Variants in CSTPP1 observed in about 807,000 individuals in gnomAD.
The protein encoded by CSTPP1 is UPF0705 protein C11orf49.
the CSTPP1 span, among the ~76,000 whole-genome samples, chr11:47,021,378 A>T: frequency 1.3e-5 from 2 of 152,116 alleles, no homozygotes; most frequent in African/African-American, 4.8e-5. Flanking sequence ...GCCTTACTGA[A>T]TGCTGAATTT....
the CSTPP1 span, among the ~76,000 whole-genome samples, chr11:46,955,716 G>C: frequency 6.6e-6 from 1 of 152,000 alleles, no homozygotes; most frequent in Non-Finnish European, 1.5e-5. Flanking sequence ...GGTCGGCCTA[G>C]CGTGGTGGCT....
At chr11:47,161,884 C>A in the CSTPP1 span, 6 of 1,304,704 alleles carry the variant, frequency 4.6e-6, no homozygotes, top group Non-Finnish European at 5.9e-6. Context: ...AGCTGACAGA[C>A]TGTGCTGAGG....
At chr11:47,075,657 G>A in the CSTPP1 span, among the ~76,000 whole-genome samples, 3 of 151,974 alleles carry the variant, frequency 2.0e-5, no homozygotes, top group African/African-American at 7.2e-5. Flanking sequence ...GTGGCCTCAC[G>A]CCTGTAATTC....
chr11:47,090,513 T>A, the CSTPP1 span, among the ~76,000 whole-genome samples: 1 of 152,130 alleles, frequency 6.6e-6, no homozygotes, highest in South Asian at 2.1e-4. Flanking sequence ...CATATTAACA[T>A]ATATAGAATG....
the CSTPP1 span, among the ~76,000 whole-genome samples, chr11:46,974,341 A>G: frequency 1.3e-5 from 2 of 151,946 alleles, no homozygotes; most frequent in Non-Finnish European, 2.9e-5. Flanking sequence ...CAGCCTGTCC[A>G]AGATGGTGCA....
At chr11:47,137,705 T>A in the CSTPP1 span, 2 of 1,614,198 alleles carry the variant, frequency 1.2e-6, no homozygotes, top group Non-Finnish European at 8.5e-7. Flanking sequence ...GATTTCCCGC[T>A]GGAGCTCACT....
the CSTPP1 span, among the ~76,000 whole-genome samples, chr11:47,148,028 G>C: frequency 1.3e-5 from 2 of 152,166 alleles, no homozygotes; most frequent in South Asian, 4.1e-4. Flanking sequence ...GCAGAGCAAT[G>C]ACCTGGACAC....
At chr11:47,164,189 GGA>G in the CSTPP1 span, 202 of 1,613,902 alleles carry the variant, frequency 1.3e-4, no homozygotes, top group Non-Finnish European at 1.5e-4. Flanking sequence ...AGGAGGCCCT[GGA>G]GAGAGTGTCC....
chr11:47,046,129 G>T, the CSTPP1 span, among the ~76,000 whole-genome samples: 552 of 152,108 alleles, frequency 3.6e-3, 3 homozygotes, highest in African/African-American at 0.013. Flanking sequence ...TGTCCTGTAG[G>T]TATGGGGGTG....
chr11:46,975,805 T>C, the CSTPP1 span, among the ~76,000 whole-genome samples: 2 of 152,216 alleles, frequency 1.3e-5, no homozygotes, highest in Non-Finnish European at 1.5e-5. Context: ...CTTCTTAAGT[T>C]TTTATAATTC....
chr11:47,010,606 T>G, the CSTPP1 span, among the ~76,000 whole-genome samples: 1 of 152,222 alleles, frequency 6.6e-6, no homozygotes, highest in Non-Finnish European at 1.5e-5. Flanking sequence ...CTTTTTTGCT[T>G]AAGATAGTGA....
At chr11:47,042,660 T>TA in the CSTPP1 span, among the ~76,000 whole-genome samples, 3 of 151,938 alleles carry the variant, frequency 2.0e-5, no homozygotes, top group South Asian at 2.1e-4. Flanking sequence ...ACTTAAAGAA[T>TA]AAAAAAAATT....
chr11:47,132,020 T>C, the CSTPP1 span, among the ~76,000 whole-genome samples: 1 of 151,562 alleles, frequency 6.6e-6, no homozygotes, highest in African/African-American at 2.4e-5. Context: ...TGAAAAGAAA[T>C]ATTCAAGCTG....
chr11:47,088,106 C>A, the CSTPP1 span, among the ~76,000 whole-genome samples: 2 of 152,146 alleles, frequency 1.3e-5, no homozygotes, highest in Non-Finnish European at 2.9e-5. Flanking sequence ...CACATTCTGT[C>A]GCTTTTGTTT....
chr11:47,116,675 GT>G, the CSTPP1 span, among the ~76,000 whole-genome samples: 6,966 of 83,426 alleles, frequency 0.083, 62 homozygotes, highest in African/African-American at 0.13. Context: ...TGCTTGGTAG[GT>G]TTTTTTTTTT....
At chr11:47,038,414 G>T in the CSTPP1 span, among the ~76,000 whole-genome samples, 54 of 91,218 alleles carry the variant, frequency 5.9e-4, 1 homozygote, top group African/African-American at 1.6e-3. Context: ...GGGCAGAGGC[G>T]CCCCTCACCT....
At chr11:46,949,821 G>A in the CSTPP1 span, among the ~76,000 whole-genome samples, 2 of 152,030 alleles carry the variant, frequency 1.3e-5, no homozygotes, top group Admixed American at 6.6e-5. Flanking sequence ...ATAGGTGCAT[G>A]CCACCATGCC....
chr11:47,052,650 A>T, the CSTPP1 span: 26 of 1,277,486 alleles, frequency 2.0e-5, no homozygotes, highest in Non-Finnish European at 7.3e-6. Flanking sequence ...TTTTGTTCCT[A>T]TAAATATTGT....
the CSTPP1 span, among the ~76,000 whole-genome samples, chr11:47,013,219 A>G: frequency 3.3e-5 from 5 of 149,292 alleles, no homozygotes; most frequent in African/African-American, 1.2e-4. Flanking sequence ...GGTTATATAT[A>G]TATATTTATT....
Sources: gnomAD v4.1 joint callset for allele counts (sites outside exome capture counted in the v4.1 genomes callset) on GRCh38, gnomAD v4.1.1 for gene constraint, MANE v1.5 for transcripts, NCBI Gene and HGNC (gene_info 2026-07-23, HGNC 2026-07-21) for gene names.